The following BRINP3 variants were observed in gnomAD, a reference collection of about 807,000 sequenced individuals.
The protein encoded by BRINP3 is BMP/retinoic acid inducible neural specific 3.
Under a neutral mutation model 71.0 loss-of-function variants are expected in BRINP3, and 19 were observed. The observed-to-expected ratio is 0.27, with a 90% CI of 0.19 to 0.39. BRINP3 has a LOEUF of 0.39. Ranked by LOEUF, BRINP3 falls within the 10% of genes least tolerant of loss-of-function variation. The probability of loss-of-function intolerance (pLI) is 1.00; values close to 1 mark genes in which losing one functional copy is unlikely to be tolerated. For synonymous variants in BRINP3, 380 were observed against 337.7 expected (o/e 1.13, Z -1.37); for missense variants, 959 against 940.8 (o/e 1.02, Z -0.25).
At chr1:190,418,394 CG>C (rs1558269017) in intron 2 of BRINP3, among the ~76,000 whole-genome samples, 1 of 152,060 alleles carries the variant, frequency 6.6e-6, no homozygotes. Context: ...TGTCACATTA[CG>C]TTTGTGACCC....
At chr1:190,314,273 G>A (rs1276703934) in intron 2 of BRINP3, among the ~76,000 whole-genome samples, 1 of 151,988 alleles carries the variant, frequency 6.6e-6, no homozygotes, top group East Asian at 1.9e-4. Flanking sequence ...GTAAAAGAAG[G>A]TTTCCTGGAG....
chr1:190,157,288 T>C (rs1571865019), intron 7 of BRINP3, among the ~76,000 whole-genome samples: 1 of 151,850 alleles, frequency 6.6e-6, no homozygotes, highest in African/African-American at 2.4e-5. Context: ...ATGGAAAAGG[T>C]TGTGTGAAAA....
At chr1:190,431,500 G>C (rs1314050142) in intron 2 of BRINP3, among the ~76,000 whole-genome samples, 3 of 152,054 alleles carry the variant, frequency 2.0e-5, no homozygotes, top group African/African-American at 7.2e-5. Flanking sequence ...GGGATTACAG[G>C]TGTGCACTTC....
chr1:190,146,700 T>C (rs968001961), intron 7 of BRINP3, among the ~76,000 whole-genome samples: 6 of 152,112 alleles, frequency 3.9e-5, no homozygotes, highest in African/African-American at 1.2e-4. Context: ...AGAGCACTTC[T>C]GGAACACTAT....
At position 190,114,585 on chromosome 1, in the gene BRINP3, G is replaced by T. The variant is rs570067642; in HGVS notation, c.1185-15451C>A. The stretch of plus-strand genomic sequence containing the variant: ...GTGCATGTGTGTTTGCATTTCTACT[G>T]GTCTCTTCTAAATACATTGTAATTA... On this transcript the variant is annotated intron_variant, in intron 7 of 7. Coordinates refer to ENST00000367462, the MANE Select transcript of BRINP3 (RefSeq NM_199051.3). Among the ~76,000 whole-genome samples the T allele has an allele frequency of 5.3e-5, 8 of 149,696 alleles. No individual in the cohort carries two copies. In the East Asian group the frequency reaches 1.6e-3, roughly 30 times the overall value.
chr1:190,101,711 G>T (rs945673240), intron 7 of BRINP3, among the ~76,000 whole-genome samples: 2 of 152,010 alleles, frequency 1.3e-5, no homozygotes, highest in Admixed American at 6.6e-5. Context: ...TGAAACCAAA[G>T]AATTAATTCC....
intron 2 of BRINP3, among the ~76,000 whole-genome samples, chr1:190,343,408 T>C (rs748120071): frequency 4.6e-5 from 7 of 151,794 alleles, no homozygotes; most frequent in Non-Finnish European, 8.8e-5. Flanking sequence ...TGAATCTTGA[T>C]TCTGCTATGT....
In BRINP3 at chr1:190,324,780, T is replaced by C. The variant is rs76742602; in HGVS notation, c.237-43030A>G. On this transcript the variant is annotated intron_variant, in intron 2 of 7. Coordinates refer to ENST00000367462, the MANE Select transcript of BRINP3 (RefSeq NM_199051.3). ...CACAAAGCAATGATTGTCATGAGGA[T>C]ATTTTTGTCATAAGTTTAGTGAAAT... Among the ~76,000 whole-genome samples, 812 of 152,034 alleles carry C rather than the reference T, an allele frequency of 5.3e-3. 7 individuals carry two copies. Among genetic ancestry groups the C allele is most frequent in the African/African-American group, 0.018 (763 of 41,538 alleles).
chr1:190,138,606 G>A (rs1655169965), intron 7 of BRINP3, among the ~76,000 whole-genome samples: 1 of 152,098 alleles, frequency 6.6e-6, no homozygotes. Context: ...TGGTGGGCAG[G>A]GGTTTGAGGG....
chr1:190,340,908 CT>C (rs141841783), intron 2 of BRINP3, among the ~76,000 whole-genome samples: 4 of 150,990 alleles, frequency 2.6e-5, no homozygotes, highest in South Asian at 2.1e-4. Context: ...GATACTCATT[CT>C]TTTTTTTTCC....
At chr1:190,382,702 C>A (rs1670625929) in intron 2 of BRINP3, among the ~76,000 whole-genome samples, 1 of 152,142 alleles carries the variant, frequency 6.6e-6, no homozygotes, top group Non-Finnish European at 1.5e-5. Context: ...ACTTCAACTG[C>A]TTTCAAATAT....
intron 6 of BRINP3, among the ~76,000 whole-genome samples, chr1:190,209,645 G>T (rs1655814863): frequency 6.6e-6 from 1 of 152,072 alleles, no homozygotes; most frequent in African/African-American, 2.4e-5. Flanking sequence ...TATTTGCTCA[G>T]TACTTTAAAT....
chr1:190,399,227 A>G (rs1348127545), intron 2 of BRINP3, among the ~76,000 whole-genome samples: 5 of 151,966 alleles, frequency 3.3e-5, no homozygotes, highest in Non-Finnish European at 7.4e-5. Flanking sequence ...CACACCCTCA[A>G]ATGAAAAACA....
At chr1:190,171,721 C>T (rs1652024562) in intron 6 of BRINP3, among the ~76,000 whole-genome samples, 1 of 152,010 alleles carries the variant, frequency 6.6e-6, no homozygotes, top group Non-Finnish European at 1.5e-5. Flanking sequence ...ATACACTAGC[C>T]ACATTGAGTA....
chr1:190,461,198 T>C (rs1161654306), intron 1 of BRINP3, among the ~76,000 whole-genome samples: 1 of 152,232 alleles, frequency 6.6e-6, no homozygotes, highest in Non-Finnish European at 1.5e-5. Context: ...TTCTTATGTA[T>C]ATGTGCCAGG....
intron 2 of BRINP3, among the ~76,000 whole-genome samples, chr1:190,370,686 C>A (rs879565596): frequency 1.3e-5 from 2 of 152,154 alleles, no homozygotes; most frequent in East Asian, 3.9e-4. Context: ...GCCTTCATGG[C>A]GAAGCCTGTG....
At chr1:190,295,559 G>A (rs1664183388) in intron 2 of BRINP3, among the ~76,000 whole-genome samples, 1 of 152,134 alleles carries the variant, frequency 6.6e-6, no homozygotes, top group South Asian at 2.1e-4. Context: ...GAGGGCCCGA[G>A]GCCACTGTAG....
intron 4 of BRINP3, among the ~76,000 whole-genome samples, chr1:190,255,168 G>A (rs186607082): frequency 7.5e-4 from 114 of 151,792 alleles, no homozygotes; most frequent in African/African-American, 2.5e-3. Flanking sequence ...TGCTGGATTC[G>A]GTTTGCCAGT....
At chr1:190,442,736 C>CGT (rs35322332) in intron 2 of BRINP3, among the ~76,000 whole-genome samples, 1 of 149,036 alleles carries the variant, frequency 6.7e-6, no homozygotes, top group East Asian at 2.0e-4. Flanking sequence ...CATGCCTGTG[C>CGT]GTGTGTGTGT....
Sources: gnomAD v4.1 joint callset for allele counts (sites outside exome capture counted in the v4.1 genomes callset) on GRCh38, gnomAD v4.1.1 for gene constraint, MANE v1.5 for transcripts, NCBI Gene and HGNC (gene_info 2026-07-23, HGNC 2026-07-21) for gene names.